ADAM32: variants seen among roughly 807,000 people sequenced by gnomAD.
ADAM32 encodes the protein disintegrin and metalloproteinase domain-containing protein 32.
ADAM32 carries 89 observed loss-of-function variants against 114.9 expected under a neutral mutation model. The ratio of observed to expected loss-of-function variants is 0.77; its 90% CI spans 0.65 to 0.92. The LOEUF (loss-of-function observed/expected upper bound fraction) is 0.92, where lower values mean the gene tolerates loss of function less well. Ranked by LOEUF, ADAM32 falls within the 40% of genes least tolerant of loss-of-function variation. The pLI, the probability that ADAM32 is intolerant of heterozygous loss-of-function variation, is 0.00. For synonymous variants in ADAM32, 285 were observed against 307.5 expected, an observed-to-expected ratio of 0.93 and a Z score of 0.77; for missense variants, 870 against 932.8, an observed-to-expected ratio of 0.93 and a Z score of 0.88.
chr8:39,231,353 C>T (rs79638670), intron 14 of ADAM32, among the ~76,000 whole-genome samples: 4,140 of 133,812 alleles, frequency 0.031, 213 homozygotes, highest in African/African-American at 0.11. Flanking sequence ...AAAAACTGAA[C>T]TACTAACAAC....
intron 11 of ADAM32, among the ~76,000 whole-genome samples, chr8:39,188,643 A>T (rs1806405731): frequency 6.6e-6 from 1 of 152,076 alleles, no homozygotes; most frequent in Admixed American, 6.5e-5. Context: ...AGTTCCTATT[A>T]TTCCCATTTT....
chr8:39,129,822 T>C, intron 2 of ADAM32: 1 of 326,148 alleles, frequency 3.1e-6, no homozygotes, highest in Non-Finnish European at 6.1e-6. Context: ...GGAAGATTTA[T>C]AATTATGAGT....
In ADAM32 at chr8:39,235,028, C is replaced by G. The variant is rs541494469; in HGVS notation, c.1818+946C>G. On this transcript the variant is annotated intron_variant, in intron 16 of 24. Transcript: ENST00000379907. ...GCCCCTCTCTGTCTGACTCTTCATT[C>G]CTGTGTCCTGTGACCTGGGGATGGA... is the stretch of plus-strand genomic sequence containing the variant. Among the ~76,000 whole-genome samples, 7 of 152,104 alleles carry G rather than the reference C, an allele frequency of 4.6e-5. No individual in the cohort carries two copies. In the South Asian group the frequency reaches 1.5e-3, roughly 32 times the overall value.
intron 3 of ADAM32, among the ~76,000 whole-genome samples, chr8:39,139,970 CTGTT>C (rs1803040313): frequency 6.6e-6 from 1 of 152,160 alleles, no homozygotes; most frequent in Non-Finnish European, 1.5e-5. Flanking sequence ...ATTTGGCTCT[CTGTT>C]TGTCTATCAT....
upstream of ADAM32, chr8:39,107,633 C>G: frequency 6.7e-7 from 1 of 1,484,304 alleles, no homozygotes; most frequent in Non-Finnish European, 8.9e-7. Context: ...CGCTAAACAC[C>G]GAGAGCACCC....
At chr8:39,229,740 A>T (rs539004503) in intron 14 of ADAM32, among the ~76,000 whole-genome samples, 1 of 152,316 alleles carries the variant, frequency 6.6e-6, no homozygotes, top group African/African-American at 2.4e-5. Flanking sequence ...AGACAACAAC[A>T]TAATAATAGT....
At chr8:39,185,131 G>C (rs796193068) in intron 10 of ADAM32, among the ~76,000 whole-genome samples, 10 of 152,196 alleles carry the variant, frequency 6.6e-5, no homozygotes, top group African/African-American at 2.4e-4. Flanking sequence ...CAGGCATAGT[G>C]GTGGGTGCCT....
chr8:39,229,480 C>T lies in ADAM32; in HGVS notation c.1526-2547C>T, dbSNP rs57073351. Among the ~76,000 whole-genome samples, 761 of 152,202 alleles carry T rather than the reference C, an allele frequency of 5.0e-3. 5 individuals carry two copies. The highest frequency in any genetic ancestry group is 0.018 in the African/African-American group (728 of 41,552). On this transcript the variant is annotated intron_variant, in intron 14 of 24. Coordinates refer to ENST00000379907, the MANE Select transcript of ADAM32 (RefSeq NM_145004.7). ...CACCTAACACATAAGAACTCATATA[C>T]ACTTAAAGTAAAGGGGTGGAAAAAG...
chr8:39,150,272 G>T (rs986104212), intron 5 of ADAM32, among the ~76,000 whole-genome samples: 6 of 152,060 alleles, frequency 3.9e-5, no homozygotes, highest in African/African-American at 1.2e-4. Context: ...TGCTGCTTTT[G>T]TAACTATAAA....
chr8:39,121,389 G>A (rs1193416300), intron 2 of ADAM32, among the ~76,000 whole-genome samples: 2 of 152,024 alleles, frequency 1.3e-5, no homozygotes, highest in African/African-American at 2.4e-5. Flanking sequence ...TCATAAGTAG[G>A]AGTCGAGCAA....
Position 39,129,775 on chromosome 8 carries a change from A to G in ADAM32, c.139-6882A>G, listed in dbSNP as rs116069095. The stretch of plus-strand genomic sequence containing the variant: ...TTTCCTTAAACATTTGATAGCATTC[A>G]TCATTGAATTCATCTGCACCTTGGC... On this transcript the variant is annotated intron_variant, in intron 2 of 24. Coordinates refer to ENST00000379907, the MANE Select transcript of ADAM32 (RefSeq NM_145004.7). 1.3e-3 allele frequency: 331 copies of G among 250,906 alleles called. 1 individual carries two copies. Among genetic ancestry groups the G allele is most frequent in the African/African-American group, 7.0e-3 (310 of 44,524 alleles). 15.5% of individuals were successfully genotyped at this position (250,906 alleles called of 1,614,324 possible). A position where few individuals can be genotyped will look rare whatever the true frequency, so the allele number is the denominator to read the frequency against.
chr8:39,218,607 T>C (rs1808747224), intron 12 of ADAM32, among the ~76,000 whole-genome samples: 2 of 152,134 alleles, frequency 1.3e-5, no homozygotes, highest in Admixed American at 1.3e-4. Flanking sequence ...CTCTTACTTT[T>C]TTTCCCATAG....
intron 11 of ADAM32, among the ~76,000 whole-genome samples, chr8:39,208,778 CAT>C (rs1271226934): frequency 6.6e-6 from 1 of 152,150 alleles, no homozygotes; most frequent in South Asian, 2.1e-4. Context: ...GGCACTCCTT[CAT>C]ATGTTATTTG....
chr8:39,112,841 C>T (rs1236512727), intron 1 of ADAM32, among the ~76,000 whole-genome samples: 3 of 152,168 alleles, frequency 2.0e-5, no homozygotes, highest in Non-Finnish European at 4.4e-5. Flanking sequence ...AACGATGAAA[C>T]GCACAGACTA....
At chr8:39,145,058 C>G (rs1471686613) in intron 3 of ADAM32, among the ~76,000 whole-genome samples, 1 of 152,066 alleles carries the variant, frequency 6.6e-6, no homozygotes, top group Non-Finnish European at 1.5e-5. Flanking sequence ...AGAAAACAAC[C>G]CCATGTACAA....
intron 1 of ADAM32, among the ~76,000 whole-genome samples, chr8:39,112,363 G>A (rs1462647735): frequency 6.6e-6 from 1 of 151,650 alleles, no homozygotes; most frequent in African/African-American, 2.4e-5. Flanking sequence ...ATGTGTTATT[G>A]ATCTTTTCAC....
chr8:39,157,229 T>A (rs145478661), intron 6 of ADAM32, among the ~76,000 whole-genome samples: 3 of 152,200 alleles, frequency 2.0e-5, no homozygotes, highest in Non-Finnish European at 4.4e-5. Flanking sequence ...CTTTTTATCA[T>A]TAACTTTGGA....
At chr8:39,202,914 T>TG (rs1807530683) in intron 11 of ADAM32, among the ~76,000 whole-genome samples, 2 of 129,170 alleles carry the variant, frequency 1.5e-5, no homozygotes, top group Admixed American at 1.6e-4. Context: ...AGGAGCAGGT[T>TG]GTTCAGTTTC....
chr8:39,283,478 A>T, intron 23 of ADAM32, 108 bp from the exon 24 acceptor site: 1 of 827,720 alleles, frequency 1.2e-6, no homozygotes, highest in Non-Finnish European at 1.7e-6. Context: ...CTTTTTTAGT[A>T]CAACTTTGAA....
Sources: allele counts gnomAD v4.1 joint callset (sites outside exome capture counted in the v4.1 genomes callset), GRCh38; gene constraint gnomAD v4.1.1; transcripts MANE v1.5; gene names NCBI Gene and HGNC (gene_info 2026-07-23, HGNC 2026-07-21).